SGK1: variants seen among roughly 807,000 people sequenced by gnomAD.
SGK1 encodes serum/glucocorticoid regulated kinase 1.
In SGK1, 26 loss-of-function variants were observed where a neutral mutation model predicts 64.2. The ratio of observed to expected loss-of-function variants is 0.40; its 90% confidence interval spans 0.30 to 0.56. The LOEUF is 0.56. Ranked by LOEUF, SGK1 falls within the 20% of genes least tolerant of loss-of-function variation. The pLI, the probability that SGK1 is intolerant of heterozygous loss-of-function variation, is 0.38. For synonymous variants in SGK1, 265 were observed against 239.7 expected (o/e 1.11, Z -0.98); for missense variants, 519 against 645.6 (o/e 0.80, Z 2.12).
intron 1 of SGK1, among the ~76,000 whole-genome samples, chr6:134,263,401 A>ATT (rs11379233): frequency 4.1e-4 from 58 of 141,440 alleles, no homozygotes; most frequent in Admixed American, 9.2e-4. Flanking sequence ...CACACTACTA[A>ATT]TTTTTTTTTT....
At chr6:134,173,234 G>C in intron 7 of SGK1, 40 bp downstream of exon 7, 1 of 1,609,620 alleles carries the variant, frequency 6.2e-7, no homozygotes, top group African/African-American at 1.3e-5. Flanking sequence ...TTCAAGGAGT[G>C]TCTACCGCCA....
At chr6:134,276,817 T>C (rs1777025302) in intron 1 of SGK1, among the ~76,000 whole-genome samples, 1 of 152,002 alleles carries the variant, frequency 6.6e-6, no homozygotes, top group South Asian at 2.1e-4. Context: ...TTTGGAAGGC[T>C]GAGGTGGGTG....
intron 2 of SGK1, among the ~76,000 whole-genome samples, chr6:134,226,527 C>CA (rs1776182798): frequency 6.6e-6 from 1 of 151,476 alleles, no homozygotes; most frequent in South Asian, 2.1e-4. Flanking sequence ...CTTGTCTCTA[C>CA]AAAAAAAGTA....
chr6:134,260,375 C>CCCCA (rs1554225478), intron 2 of SGK1: 2 of 27,544 alleles, frequency 7.3e-5, no homozygotes, highest in Non-Finnish European at 8.9e-5. Context: ...CCGACCCCCA[C>CCCCA]CCCCCCCAAA....
chr6:134,238,155 T>A lies in SGK1; in HGVS notation c.285+23778A>T, dbSNP rs1354879512. On this transcript the variant is annotated intron_variant, in intron 2 of 13. Coordinates refer to ENST00000367858, the MANE Select transcript of SGK1 (RefSeq NM_001143676.3). ...TCTTTTCTTCCATTTTCCCACCTTT[T>A]GCATCAGAAAAGTAAACAACCGATT... Among the ~76,000 whole-genome samples the A allele has an allele frequency of 3.9e-5, 6 of 152,206 alleles. No homozygotes were observed. In the East Asian group the frequency reaches 1.2e-3, roughly 29 times the overall value.
In SGK1 at chr6:134,169,798, T is replaced by G. The variant is rs941801174; in HGVS notation, c.*470A>C. ...TGCTTATAACAAAATCCATCTGTGA[T>G]CAGGCATACCACACTCACACGACGG... On this transcript the variant is annotated 3_prime_UTR_variant, in exon 14 of 14. Coordinates refer to ENST00000367858, the MANE Select transcript of SGK1 (RefSeq NM_001143676.3). 2 of 152,710 alleles carry G rather than the reference T, an allele frequency of 1.3e-5. No individual in the cohort carries two copies. Among genetic ancestry groups the G allele is most frequent in the African/African-American group, 4.8e-5 (2 of 41,436 alleles). 9.5% of individuals were successfully genotyped at this position (152,710 alleles called of 1,614,324 possible). A position where few individuals can be genotyped will look rare whatever the true frequency, so the allele number is the denominator to read the frequency against.
At chr6:134,224,194 G>C (rs931009085) in intron 2 of SGK1, among the ~76,000 whole-genome samples, 1 of 152,198 alleles carries the variant, frequency 6.6e-6, no homozygotes, top group African/African-American at 2.4e-5. Flanking sequence ...GAGATACAGG[G>C]TTTTCACTGC....
intron 2 of SGK1, among the ~76,000 whole-genome samples, chr6:134,214,459 C>T (rs1043160068): frequency 6.6e-6 from 1 of 151,966 alleles, no homozygotes; most frequent in African/African-American, 2.4e-5. Flanking sequence ...GGTGTGGTGG[C>T]GCATGCCTAT....
intron 1 of SGK1, among the ~76,000 whole-genome samples, chr6:134,290,724 A>G (rs575985972): frequency 2.0e-5 from 3 of 152,156 alleles, no homozygotes; most frequent in Non-Finnish European, 4.4e-5. Context: ...AGTCCTAGCT[A>G]GTTTATTTTC....
Position 134,174,305 on chromosome 6 carries a change from C to CCATTT in SGK1, c.437+201_437+205dup, listed in dbSNP as rs1199228644. On this transcript the variant is annotated intron_variant, in intron 4 of 13. Coordinates refer to ENST00000367858, the MANE Select transcript of SGK1 (RefSeq NM_001143676.3). The stretch of plus-strand genomic sequence containing the variant: ...AGGCCGTGAATTCGGCCAACACGAA[C>CCATTT]CATTTATCTTACATCTCCAGTTCAA... The CCATTT allele has an allele frequency of 8.3e-6, 5 of 604,402 alleles. No homozygotes were observed. In the African/African-American group the frequency reaches 9.3e-5, roughly 11 times the overall value. 37.4% of individuals were successfully genotyped at this position (604,402 alleles called of 1,614,324 possible). A position where few individuals can be genotyped will look rare whatever the true frequency, so the allele number is the denominator to read the frequency against.
chr6:134,289,688 G>T lies in SGK1; in HGVS notation c.70-27540C>A, dbSNP rs561918031. Among the ~76,000 whole-genome samples, 5 of 152,060 alleles carry T rather than the reference G, an allele frequency of 3.3e-5. No homozygotes were observed. The East Asian group carries it at 5.8e-4, about 18-fold the overall frequency. On this transcript the variant is annotated intron_variant, in intron 1 of 13. Transcript: ENST00000367858. ...GATTCAGACTAGCCACAATTCAGGT[G>T]CTCAATAGTCACATGTAGCTGGTGG...
intron 1 of SGK1, chr6:134,298,593 G>T (rs914836122): frequency 1.4e-5 from 14 of 980,840 alleles, no homozygotes; most frequent in African/African-American, 1.6e-5. Flanking sequence ...GGAGCTTGAG[G>T]AGCTGATGCA....
chr6:134,296,710 C>T (rs1777352500), intron 1 of SGK1, among the ~76,000 whole-genome samples: 1 of 134,348 alleles, frequency 7.4e-6, no homozygotes, highest in Admixed American at 8.6e-5. Flanking sequence ...TTAGTATTTA[C>T]TAAGAGTTGA....
chr6:134,263,296 G>T (rs1776795730), intron 1 of SGK1, among the ~76,000 whole-genome samples: 1 of 152,102 alleles, frequency 6.6e-6, no homozygotes. Context: ...GAATGCAGTG[G>T]CCTAATCATG....
chr6:134,275,117 T>G (rs1777000739), intron 1 of SGK1, among the ~76,000 whole-genome samples: 1 of 152,090 alleles, frequency 6.6e-6, no homozygotes, highest in Non-Finnish European at 1.5e-5. Flanking sequence ...CCATCTTTTT[T>G]TAAAAAATAA....
chr6:134,214,658 A>AG (rs1775949006), intron 2 of SGK1, among the ~76,000 whole-genome samples: 1 of 151,862 alleles, frequency 6.6e-6, no homozygotes, highest in Non-Finnish European at 1.5e-5. Context: ...GAAAAACAGA[A>AG]TATGTGCAGT....
At chr6:134,264,340 C>T (rs183099891) in intron 1 of SGK1, among the ~76,000 whole-genome samples, 6 of 152,040 alleles carry the variant, frequency 3.9e-5, no homozygotes, top group South Asian at 4.2e-4. Context: ...AGGATGGTCT[C>T]GATCTCCTGA....
At position 134,285,059 on chromosome 6, in the gene SGK1, G is replaced by A. The variant is rs1329183194; in HGVS notation, c.70-22911C>T. ...TTCTTTTGGGTAGAGACCCAGTAGT[G>A]GGATTGCTGAATCAAATGGTAGTTC... On this transcript the variant is annotated intron_variant, in intron 1 of 13. Transcript: ENST00000367858. Among the ~76,000 whole-genome samples the A allele has an allele frequency of 3.9e-5, 6 of 152,254 alleles. 1 individual carries two copies. The highest frequency in any genetic ancestry group is 3.9e-4 in the Admixed American group (6 of 15,292).
intron 9 of SGK1, 31 bp from the exon 10 acceptor site, chr6:134,172,347 A>G: frequency 6.3e-7 from 1 of 1,597,316 alleles, no homozygotes; most frequent in East Asian, 2.2e-5. Context: ...AAGTAGTTGC[A>G]CAAGTTAATT....
Sources: gnomAD v4.1 joint callset for allele counts (sites outside exome capture counted in the v4.1 genomes callset) on GRCh38, gnomAD v4.1.1 for gene constraint, MANE v1.5 for transcripts, NCBI Gene and HGNC (gene_info 2026-07-23, HGNC 2026-07-21) for gene names.